Variants in NFASC observed in about 807,000 individuals in gnomAD.
NFASC encodes neurofascin, also known as neurofascin homolog.
In NFASC, 43 loss-of-function variants were observed where a neutral mutation model predicts 147.5. The ratio of observed to expected loss-of-function variants is 0.29; its 90% CI spans 0.23 to 0.38. The LOEUF is 0.38. Ranked by LOEUF, NFASC falls within the 10% of genes least tolerant of loss-of-function variation. The probability of loss-of-function intolerance (pLI) is 1.00; values close to 1 mark genes in which losing one functional copy is unlikely to be tolerated. For missense variants in NFASC, 1,320 were observed against 1,689.0 expected, an observed-to-expected ratio of 0.78 and a Z score of 3.83; for synonymous variants, 622 against 665.5, an observed-to-expected ratio of 0.93 and a Z score of 1.01.
intron 2 of NFASC, among the ~76,000 whole-genome samples, chr1:204,921,382 GGCCTCCTGGA>G (rs1165135834): frequency 3.3e-5 from 5 of 152,232 alleles, no homozygotes; most frequent in African/African-American, 9.6e-5. Flanking sequence ...GTGACAGACT[GGCCTCCTGGA>G]GGCTGCTGGG....
In NFASC at chr1:204,981,908, C is replaced by T. The variant is rs755968277; in HGVS notation, c.2358C>T (p.Tyr786=). 2.5e-5 allele frequency: 41 copies of T among 1,608,438 alleles called. No individual in the cohort carries two copies. The highest frequency in any genetic ancestry group is 2.0e-4 in the South Asian group (18 of 89,962). The change falls in exon 21 of 30, where the codon TAC becomes TAT. Residue 786 remains tyrosine (Y), a synonymous_variant. Transcript: ENST00000339876. ...WNNVTVWGSR[Y]VVGQTPVYVP... is the part of the protein sequence containing the mutation. ...ACGTCACAGTGTGGGGCTCTCGCTA[C>T]GTGGTGGGGCAGACCCCAGTCTACG...
At chr1:204,946,536 G>T in intron 3 of NFASC, 1 of 422,300 alleles carries the variant, frequency 2.4e-6, no homozygotes, top group Non-Finnish European at 4.9e-6. Context: ...CTGGCAACGT[G>T]TCCAAAAAGA....
Position 204,954,256 on chromosome 1 carries a change from G to C in NFASC, c.284G>C (p.Arg95Thr). 6.2e-7 allele frequency: 1 copy of C among 1,614,220 alleles called. No homozygotes were observed. The highest frequency in any genetic ancestry group is 1.1e-5 in the South Asian group (1 of 91,078). The change falls in exon 6 of 30, where the codon AGG (arginine) becomes ACG (threonine). Residue 95 changes from arginine to threonine, a missense_variant. Arg to Thr is a moderately conservative substitution (Grantham distance 71, BLOSUM62 -1). This residue lies in a region of NFASC where 981 missense variants were observed against 1,289.5 expected (regional missense o/e 0.76). Transcript: ENST00000339876. This position sits in a 1 kb window ranked among gnomAD's most constrained non-coding sequence, Gnocchi z 5.7. ...GACCCCCGGGTGTCCATGAGGAGGA[G>C]GTCTGGGACCCTGGTGATTGACTTC... is the stretch of plus-strand genomic sequence containing the variant. ...AKDPRVSMRR[R>T]SGTLVIDFRS...
chr1:205,001,137 C>T, intron 25 of NFASC, 33 bp from the exon 26 acceptor site: 1 of 1,316,580 alleles, frequency 7.6e-7, no homozygotes, highest in Non-Finnish European at 1.1e-6. Flanking sequence ...ACTCCCTCCT[C>T]ATCACTAACC....
chr1:204,959,658 C>G (rs574550376), intron 8 of NFASC, among the ~76,000 whole-genome samples: 6 of 152,222 alleles, frequency 3.9e-5, no homozygotes, highest in South Asian at 2.1e-4. Context: ...TAGAAATCGG[C>G]CTGCTGCTTT....
In NFASC at chr1:204,991,428, T is replaced by C. The variant is rs925150819; in HGVS notation, c.2782+122T>C. 2.2e-5 allele frequency: 23 copies of C among 1,062,632 alleles called. No individual in the cohort carries two copies. The Admixed American group carries it at 4.7e-4, about 22-fold the overall frequency. The allele number at this position is 1,062,632 out of a possible 1,614,324, so 65.8% of individuals were successfully genotyped here. Reference sequence around the variant, plus strand: ...GAAAGCATGCTCCAGACTCACCCTTTCAGTGGTTGGGAAGCCAGACTGTCA... The same window carrying C: ...GAAAGCATGCTCCAGACTCACCCTTCCAGTGGTTGGGAAGCCAGACTGTCA... On this transcript the variant is annotated intron_variant, in intron 24 of 29. Transcript: ENST00000339876.
At chr1:204,981,103 A>T (rs944877134) in intron 20 of NFASC, among the ~76,000 whole-genome samples, 1 of 152,252 alleles carries the variant, frequency 6.6e-6, no homozygotes, top group Admixed American at 6.5e-5. Context: ...AGTAATGGAA[A>T]CTGGGAGATG....
chr1:204,900,166 G>A (rs1057304263), intron 1 of NFASC, among the ~76,000 whole-genome samples: 1 of 152,130 alleles, frequency 6.6e-6, no homozygotes, highest in Non-Finnish European at 1.5e-5. Context: ...TAAAATATAA[G>A]ATTAAGACTA....
chr1:204,919,255 G>T (rs1016429942), intron 1 of NFASC, among the ~76,000 whole-genome samples: 6 of 151,836 alleles, frequency 4.0e-5, no homozygotes, highest in Non-Finnish European at 7.4e-5. Flanking sequence ...AAACTCCTGA[G>T]CTCAGGCAAT....
chr1:204,890,578 C>CT (rs1389680615), intron 1 of NFASC, among the ~76,000 whole-genome samples: 5 of 136,776 alleles, frequency 3.7e-5, no homozygotes, highest in Non-Finnish European at 4.7e-5. Flanking sequence ...TTTTTTTTTT[C>CT]TTTTTTTTTG....
intron 1 of NFASC, among the ~76,000 whole-genome samples, chr1:204,919,310 C>G (rs1200420222): frequency 6.6e-6 from 1 of 152,190 alleles, no homozygotes; most frequent in Non-Finnish European, 1.5e-5. Context: ...CAGGCGTGAG[C>G]CACCGCACCT....
In NFASC at chr1:204,931,342, G is replaced by A. The variant is rs549321069; in HGVS notation, c.-91+10602G>A. 2.6e-5 allele frequency among the ~76,000 whole-genome samples: 4 copies of A among 152,250 alleles called. No individual in the cohort carries two copies. In the South Asian group the frequency reaches 8.3e-4, roughly 32 times the overall value. On this transcript the variant is annotated intron_variant, in intron 2 of 29. Coordinates refer to ENST00000339876, the MANE Select transcript of NFASC (RefSeq NM_001005388.3). ...TATACTTCTATTTCCTCCTATTTCA[G>A]CTCCTCTCTCTCAGTCCTGAACAAG...
At chr1:204,896,221 C>A (rs564393512) in intron 1 of NFASC, among the ~76,000 whole-genome samples, 1 of 152,118 alleles carries the variant, frequency 6.6e-6, no homozygotes, top group Non-Finnish European at 1.5e-5. Context: ...TTGCAGCCCC[C>A]GCCTGTGGCT....
At chr1:204,939,586 C>G (rs1256016872) in intron 2 of NFASC, among the ~76,000 whole-genome samples, 1 of 152,218 alleles carries the variant, frequency 6.6e-6, no homozygotes, top group African/African-American at 2.4e-5. Flanking sequence ...TGGGATGATC[C>G]CACTAGAACC....
At chr1:204,969,284 G>A (rs991838337) in intron 10 of NFASC, among the ~76,000 whole-genome samples, 1 of 152,186 alleles carries the variant, frequency 6.6e-6, no homozygotes, top group African/African-American at 2.4e-5. Flanking sequence ...CATTCCCAGA[G>A]CCTTTTTTTC....
chr1:204,979,317 G>A lies in NFASC; in HGVS notation c.1979-45G>A. ...GGAAGTGCTTTTAAAGAAGACCACTGCTAACTGAGCTCCCGAAACAGCTCT... is the reference window on the plus strand; with the variant it reads ...GGAAGTGCTTTTAAAGAAGACCACTACTAACTGAGCTCCCGAAACAGCTCT... On this transcript the variant is annotated intron_variant, in intron 18 of 29. Coordinates refer to ENST00000339876, the MANE Select transcript of NFASC (RefSeq NM_001005388.3). This position sits in a 1 kb window ranked among gnomAD's most constrained non-coding sequence, Gnocchi z 6.0. 2 of 1,489,986 alleles carry A rather than the reference G, an allele frequency of 1.3e-6. No individual in the cohort carries two copies. The highest frequency in any genetic ancestry group is 2.3e-5 in the East Asian group (1 of 44,064). 92.3% of individuals were successfully genotyped at this position (1,489,986 alleles called of 1,614,324 possible).
At chr1:204,854,178 T>C (rs573112027) in intron 1 of NFASC, among the ~76,000 whole-genome samples, 32 of 152,204 alleles carry the variant, frequency 2.1e-4, no homozygotes, top group Non-Finnish European at 1.8e-4. Context: ...TTGTTTGCTC[T>C]GTTCCTTGGG....
rs6667532 is a variant in NFASC at position 204,979,531 on chromosome 1, A to G, written c.2148A>G (p.Pro716=). 169,036 of 1,613,570 alleles carry G rather than the reference A, an allele frequency of 0.1. 9,859 individuals are homozygous for G. The highest frequency in any genetic ancestry group is 0.22 in the African/African-American group (16,342 of 74,950). ...TTGGGAGCAGCCACCCCAGCCTCCC[A>G]TCCGAGCGCTACCGAACCAGTGGAG... ...NEVGSSHPSL[P]SERYRTSGAP... is the part of the protein sequence containing the mutation. The change falls in exon 19 of 30, where the codon CCA becomes CCG. Residue 716 remains proline, a synonymous_variant. Coordinates refer to ENST00000339876, the MANE Select transcript of NFASC (RefSeq NM_001005388.3). The surrounding 1 kb of genome is among the most constrained non-coding windows in gnomAD (Gnocchi z 6.0).
rs561347527 is a variant in NFASC, at chr1:204,926,943, C to G, written c.-91+6203C>G. On this transcript the variant is annotated intron_variant, in intron 2 of 29. Transcript: ENST00000339876. ...ATAAAAATTAGCTGGTGCACGGCAGCGGGTGCCTGTATTCCCAGCTACTCG... is the reference window on the plus strand; with the variant it reads ...ATAAAAATTAGCTGGTGCACGGCAGGGGGTGCCTGTATTCCCAGCTACTCG... Among the ~76,000 whole-genome samples, 472 of 151,998 alleles carry G rather than the reference C, an allele frequency of 3.1e-3. 2 individuals are homozygous for G. Among genetic ancestry groups the G allele is most frequent in the African/African-American group, 0.011 (447 of 41,488 alleles).
Sources: gnomAD v4.1 joint callset for allele counts (sites outside exome capture counted in the v4.1 genomes callset) on GRCh38, gnomAD v4.1.1 for gene constraint, gnomAD v4.1.1 regional missense constraint, Gnocchi (gnomAD v3.1) non-coding constraint, MANE v1.5 for transcripts, NCBI Gene and HGNC (gene_info 2026-07-23, HGNC 2026-07-21) for gene names.